Variants in MGAT4C observed in about 807,000 individuals in gnomAD.
The protein encoded by MGAT4C is MGAT4 family member C, also known as alpha-1,3-mannosyl-glycoprotein 4-beta-N-acetylglucosaminyltransferase C.
MGAT4C carries 19 observed loss-of-function variants against 40.1 expected under a neutral mutation model. That is an observed-to-expected ratio of 0.47 (90% confidence interval 0.33 to 0.70). MGAT4C has a LOEUF of 0.70. Among genes scored for constraint, MGAT4C ranks in the 30% least tolerant of loss-of-function variants. MGAT4C has a pLI of 0.02. For synonymous variants in MGAT4C, 181 were observed against 187.1 expected (o/e 0.97, Z 0.27); for missense variants, 491 against 563.2 (o/e 0.87, Z 1.30).
At chr12:86,199,820 A>T (rs1478515444) in intron 1 of MGAT4C, among the ~76,000 whole-genome samples, 1 of 152,180 alleles carries the variant, frequency 6.6e-6, no homozygotes, top group Admixed American at 6.5e-5. Flanking sequence ...ACTCAAATAC[A>T]TAAATCATCT....
intron 1 of MGAT4C, among the ~76,000 whole-genome samples, chr12:86,790,103 G>C (rs1951997812): frequency 6.6e-6 from 1 of 152,066 alleles, no homozygotes; most frequent in Non-Finnish European, 1.5e-5. Context: ...CTTTTCTCCA[G>C]AAGATAAAGA....
Position 85,977,274 on chromosome 12 carries a change from A to T in MGAT4C, c.*2015T>A, listed in dbSNP as rs2136673616. ...GCTCTTGATATTACATGTCTTTGGC[A>T]TACAATTGTGTACCTTTTATCATTG... On this transcript the variant is annotated 3_prime_UTR_variant, in exon 5 of 5. Coordinates refer to ENST00000611864, the MANE Select transcript of MGAT4C (RefSeq NM_001351288.2). 1 of 151,586 alleles carries T rather than the reference A, an allele frequency of 6.6e-6. No homozygotes were observed. The highest frequency in any genetic ancestry group is 1.9e-4 in the East Asian group (1 of 5,180). 9.4% of individuals were successfully genotyped at this position (151,586 alleles called of 1,614,324 possible). A position where few individuals can be genotyped will look rare whatever the true frequency, so the allele number is the denominator to read the frequency against.
chr12:86,651,489 T>C (rs1002472287), intron 2 of MGAT4C, among the ~76,000 whole-genome samples: 14 of 151,900 alleles, frequency 9.2e-5, no homozygotes, highest in Non-Finnish European at 1.8e-4. Context: ...CATTAATATT[T>C]TGAGTATTAT....
intron 4 of MGAT4C, among the ~76,000 whole-genome samples, chr12:86,282,446 T>C (rs1270083458): frequency 6.6e-6 from 1 of 152,070 alleles, no homozygotes; most frequent in Non-Finnish European, 1.5e-5. Context: ...ATAGTTACCA[T>C]TTTTCTACTG....
At chr12:86,201,207 C>T (rs979667830) in intron 1 of MGAT4C, among the ~76,000 whole-genome samples, 4 of 152,100 alleles carry the variant, frequency 2.6e-5, no homozygotes, top group African/African-American at 4.8e-5. Context: ...ATTTTAAGCA[C>T]TCTGCATGTA....
chr12:86,086,750 C>T (rs1176848285), intron 1 of MGAT4C, among the ~76,000 whole-genome samples: 2 of 151,966 alleles, frequency 1.3e-5, no homozygotes, highest in South Asian at 2.1e-4. Context: ...TAATGTGCTA[C>T]TGTACACTAG....
chr12:86,761,641 C>A (rs182972322), intron 1 of MGAT4C, among the ~76,000 whole-genome samples: 2 of 152,012 alleles, frequency 1.3e-5, no homozygotes, highest in Admixed American at 6.6e-5. Flanking sequence ...TGGTTCCTTT[C>A]GGATGCTCTC....
At chr12:86,775,191 T>C (rs780637298) in intron 1 of MGAT4C, among the ~76,000 whole-genome samples, 25 of 152,138 alleles carry the variant, frequency 1.6e-4, no homozygotes, top group Non-Finnish European at 3.1e-4. Context: ...ATTAGCAAAC[T>C]GGTGAGTCAC....
chr12:86,473,311 C>G (rs1409870930), intron 2 of MGAT4C, among the ~76,000 whole-genome samples: 7 of 152,100 alleles, frequency 4.6e-5, no homozygotes, highest in Admixed American at 3.9e-4. Context: ...ACCAAGAAAT[C>G]CGAAATGACA....
chr12:86,377,753 T>C (rs1955857546), intron 3 of MGAT4C, among the ~76,000 whole-genome samples: 1 of 152,186 alleles, frequency 6.6e-6, no homozygotes, highest in South Asian at 2.1e-4. Context: ...TTCAGTGATA[T>C]GACTACACTC....
At chr12:86,419,642 C>A (rs1230795203) in intron 3 of MGAT4C, among the ~76,000 whole-genome samples, 1 of 151,976 alleles carries the variant, frequency 6.6e-6, no homozygotes, top group Non-Finnish European at 1.5e-5. Flanking sequence ...AAAAATAGAG[C>A]AATGGATAGT....
chr12:86,521,194 T>G (rs1958788892), intron 2 of MGAT4C, among the ~76,000 whole-genome samples: 1 of 152,192 alleles, frequency 6.6e-6, no homozygotes, highest in Non-Finnish European at 1.5e-5. Context: ...AGGGTTTTTA[T>G]AGTTTTAGAT....
At chr12:86,716,409 TA>T (rs1308619466) in intron 2 of MGAT4C, among the ~76,000 whole-genome samples, 2 of 152,138 alleles carry the variant, frequency 1.3e-5, no homozygotes, top group Non-Finnish European at 1.5e-5. Flanking sequence ...TGGTGTTCAT[TA>T]ATCTTTGAAA....
At chr12:86,419,730 G>A (rs1269524726) in intron 3 of MGAT4C, among the ~76,000 whole-genome samples, 1 of 152,274 alleles carries the variant, frequency 6.6e-6, no homozygotes, top group Admixed American at 6.5e-5. Flanking sequence ...GGATGGTAAT[G>A]AAAGAAAAAT....
rs752559558 is a variant in MGAT4C at position 85,977,531 on chromosome 12, G to C, written c.*1758C>G. ...ATTAATATTTAGCCTCTTATGAAAGGTTCGTTTTTCTTCTAACACTTTAGT... is the reference window on the plus strand; with the variant it reads ...ATTAATATTTAGCCTCTTATGAAAGCTTCGTTTTTCTTCTAACACTTTAGT... On this transcript the variant is annotated 3_prime_UTR_variant, in exon 5 of 5. Coordinates refer to ENST00000611864, the MANE Select transcript of MGAT4C (RefSeq NM_001351288.2). 6.6e-6 allele frequency: 1 copy of C among 151,292 alleles called. No individual in the cohort carries two copies. The highest frequency in any genetic ancestry group is 2.4e-5 in the African/African-American group (1 of 41,312). The allele number at this position is 151,292 out of a possible 1,614,324, so 9.4% of individuals were successfully genotyped here. A position where few individuals can be genotyped will look rare whatever the true frequency, so the allele number is the denominator to read the frequency against.
At chr12:85,989,092 T>C (rs11117146) in intron 3 of MGAT4C, among the ~76,000 whole-genome samples, 63,558 of 151,802 alleles carry the variant, frequency 0.42, 13,877 homozygotes, top group Middle Eastern at 0.47. Flanking sequence ...GCATTTCAAA[T>C]GGAAAACCCA....
intron 1 of MGAT4C, among the ~76,000 whole-genome samples, chr12:86,817,518 A>AT (rs1189563440): frequency 6.6e-6 from 1 of 151,256 alleles, no homozygotes; most frequent in Non-Finnish European, 1.5e-5. Context: ...TGTCTCACTT[A>AT]TTTTTTTCTA....
At chr12:86,523,907 T>C (rs1958837040) in intron 2 of MGAT4C, among the ~76,000 whole-genome samples, 1 of 152,128 alleles carries the variant, frequency 6.6e-6, no homozygotes, top group Non-Finnish European at 1.5e-5. Context: ...AGGGTGGCAA[T>C]CCCTGCTTTC....
chr12:86,509,500 C>T (rs1958534389), intron 2 of MGAT4C, among the ~76,000 whole-genome samples: 1 of 152,118 alleles, frequency 6.6e-6, no homozygotes, highest in African/African-American at 2.4e-5. Flanking sequence ...AGCGTGATGC[C>T]TCCAGCTTTG....
Sources: gnomAD v4.1 joint callset for allele counts (sites outside exome capture counted in the v4.1 genomes callset) on GRCh38, gnomAD v4.1.1 for gene constraint, MANE v1.5 for transcripts, NCBI Gene and HGNC (gene_info 2026-07-23, HGNC 2026-07-21) for gene names.